Variants in SH3PXD2A observed in about 807,000 individuals in gnomAD.
The protein encoded by SH3PXD2A is SH3 and PX domain-containing protein 2A.
In SH3PXD2A, 32 loss-of-function variants were observed where a neutral mutation model predicts 115.2. The ratio of observed to expected loss-of-function variants is 0.28; its 90% CI spans 0.21 to 0.37. The LOEUF is 0.37. Among genes scored for constraint, SH3PXD2A ranks in the 10% least tolerant of loss-of-function variants. SH3PXD2A has a pLI of 1.00. For synonymous variants in SH3PXD2A, 610 were observed against 629.1 expected (o/e 0.97, Z 0.45); for missense variants, 1,328 against 1,498.7 (o/e 0.89, Z 1.88).
chr10:103,717,757 C>G (rs1195094657), intron 5 of SH3PXD2A, among the ~76,000 whole-genome samples: 1 of 152,210 alleles, frequency 6.6e-6, no homozygotes, highest in Non-Finnish European at 1.5e-5. Flanking sequence ...GTGGTGAGTC[C>G]TGCCGGGCCA....
At chr10:103,769,860 C>T (rs1192571167) in intron 2 of SH3PXD2A, among the ~76,000 whole-genome samples, 1 of 152,082 alleles carries the variant, frequency 6.6e-6, no homozygotes, top group Non-Finnish European at 1.5e-5. Flanking sequence ...TAATGCTCAG[C>T]AAAGGATTTT....
chr10:103,617,122 C>T, intron 11 of SH3PXD2A, 75 bp downstream of exon 11: 1 of 994,630 alleles, frequency 1.0e-6, no homozygotes, highest in Non-Finnish European at 1.6e-6. Flanking sequence ...CATCAGGTGG[C>T]CATGGCCACT....
intron 8 of SH3PXD2A, among the ~76,000 whole-genome samples, chr10:103,645,560 A>G (rs2037023395): frequency 6.6e-6 from 1 of 152,090 alleles, no homozygotes. Context: ...GGCCATTTCC[A>G]TCTGGGCCTC....
At chr10:103,852,460 C>T (rs1842905494) in intron 1 of SH3PXD2A, among the ~76,000 whole-genome samples, 1 of 152,244 alleles carries the variant, frequency 6.6e-6, no homozygotes, top group South Asian at 2.1e-4. Context: ...ACGCACATCC[C>T]GTAAAACCTC....
chr10:103,668,757 C>T (rs1047649988), intron 6 of SH3PXD2A, 105 bp from the exon 7 acceptor site: 58 of 1,009,724 alleles, frequency 5.7e-5, no homozygotes, highest in African/African-American at 5.1e-4. Flanking sequence ...GCGCCGCGCT[C>T]GGCCAGCCGC....
At position 103,599,223 on chromosome 10, in the gene SH3PXD2A, A is replaced by G. The variant is rs2281584; in HGVS notation, c.*2593T>C. On this transcript the variant is annotated 3_prime_UTR_variant, in exon 15 of 15. Transcript: ENST00000369774. ...AGGTCTCTTTCAGTCCTGCATTTTA[A>G]TGACTCTATTACTTACAGCACTGGG... is the stretch of plus-strand genomic sequence containing the variant. 0.38 allele frequency: 54,383 copies of G among 143,530 alleles called. 10,390 individuals carry two copies. The highest frequency in any genetic ancestry group is 0.48 in the African/African-American group (18,921 of 39,088). The allele number at this position is 143,530 out of a possible 1,614,324, so 8.9% of individuals were successfully genotyped here.
intron 11 of SH3PXD2A, among the ~76,000 whole-genome samples, chr10:103,614,867 C>T (rs954060360): frequency 2.0e-5 from 3 of 151,540 alleles, no homozygotes; most frequent in East Asian, 2.0e-4. Flanking sequence ...CTGAGCTTTG[C>T]GAGAAAGCTC....
rs2037368662 is a variant in SH3PXD2A, at chr10:103,665,166, G to T, written c.472+3442C>A. 6.6e-6 allele frequency among the ~76,000 whole-genome samples: 1 copy of T among 152,194 alleles called. No homozygotes were observed. The highest frequency in any genetic ancestry group is 2.1e-4 in the South Asian group (1 of 4,828). On this transcript the variant is annotated intron_variant, in intron 7 of 14. Coordinates refer to ENST00000369774, the MANE Select transcript of SH3PXD2A (RefSeq NM_001394015.1). This position sits in a 1 kb window ranked among gnomAD's most constrained non-coding sequence, Gnocchi z 4.0. The stretch of plus-strand genomic sequence containing the variant: ...CTCTGATATGGGAATATGGGAAAAT[G>T]AGCCAAACTCGAAGGGAGAAAGGGG...
At chr10:103,762,381 G>A (rs111428718) in intron 3 of SH3PXD2A, among the ~76,000 whole-genome samples, 16 of 152,270 alleles carry the variant, frequency 1.1e-4, no homozygotes, top group African/African-American at 3.9e-4. Context: ...TGACAGAGGC[G>A]GATAAGGGCC....
At chr10:103,615,483 G>GGTGTGTGGGTGTGT (rs2036499017) in intron 11 of SH3PXD2A, among the ~76,000 whole-genome samples, 1 of 128,524 alleles carries the variant, frequency 7.8e-6, no homozygotes, top group Non-Finnish European at 1.6e-5. Context: ...AGAGTGCGAG[G>GGTGTGTGGGTGTGT]GTGTGTGTGT....
At chr10:103,701,383 T>TCATC (rs1445542856) in intron 5 of SH3PXD2A, among the ~76,000 whole-genome samples, 1 of 112,700 alleles carries the variant, frequency 8.9e-6, no homozygotes, top group Admixed American at 9.3e-5. Context: ...CATCCATCCA[T>TCATC]CATCCATCCA....
rs561718148 is a variant in SH3PXD2A, at chr10:103,726,287, C to T, written c.307-1926G>A. 5.9e-5 allele frequency among the ~76,000 whole-genome samples: 9 copies of T among 152,336 alleles called. No homozygotes were observed. The South Asian group carries it at 1.9e-3, about 32-fold the overall frequency. On this transcript the variant is annotated intron_variant, in intron 4 of 14. Coordinates refer to ENST00000369774, the MANE Select transcript of SH3PXD2A (RefSeq NM_001394015.1). The stretch of plus-strand genomic sequence containing the variant: ...CCACGACCAGCTTCAGATGCAAGGC[C>T]TAGATCCAGTGGCTCCTGGGCCAAG...
At chr10:103,786,060 AG>A (rs1233105595) in intron 2 of SH3PXD2A, among the ~76,000 whole-genome samples, 1 of 152,082 alleles carries the variant, frequency 6.6e-6, no homozygotes, top group Non-Finnish European at 1.5e-5. Context: ...GGAGAATCCA[AG>A]ACTCCTGAGC....
At chr10:103,694,280 G>A (rs2037798478) in intron 5 of SH3PXD2A, among the ~76,000 whole-genome samples, 1 of 38,606 alleles carries the variant, frequency 2.6e-5, no homozygotes, top group African/African-American at 9.8e-5. Context: ...AGGCGGGGTT[G>A]GGGGTTTGGG....
chr10:103,697,103 C>T (rs1443384301), intron 5 of SH3PXD2A, among the ~76,000 whole-genome samples: 3 of 152,094 alleles, frequency 2.0e-5, no homozygotes, highest in Admixed American at 6.5e-5. Flanking sequence ...GTTCTGGAGA[C>T]GGAGGCCTCC....
intron 5 of SH3PXD2A, among the ~76,000 whole-genome samples, chr10:103,714,810 G>T (rs2038086722): frequency 6.6e-6 from 1 of 152,242 alleles, no homozygotes; most frequent in South Asian, 2.1e-4. Context: ...TGGCCAGATG[G>T]GTGGTGGCAG....
intron 1 of SH3PXD2A, among the ~76,000 whole-genome samples, chr10:103,845,978 T>C (rs1842844695): frequency 6.6e-6 from 1 of 152,230 alleles, no homozygotes. Context: ...CATTCCTGAC[T>C]CCCTGAAGTT....
chr10:103,765,141 C>T (rs750158295), intron 3 of SH3PXD2A, among the ~76,000 whole-genome samples: 5 of 152,284 alleles, frequency 3.3e-5, no homozygotes, highest in Middle Eastern at 3.4e-3. Context: ...AATGCAACTT[C>T]TCTGTATTGG....
intron 8 of SH3PXD2A, among the ~76,000 whole-genome samples, chr10:103,646,038 A>G (rs2134010712): frequency 6.6e-6 from 1 of 152,284 alleles, no homozygotes; most frequent in East Asian, 1.9e-4. Flanking sequence ...TTATAAGAAA[A>G]AAGGTGTTTC....
Sources: gnomAD v4.1 joint callset for allele counts (sites outside exome capture counted in the v4.1 genomes callset) on GRCh38, gnomAD v4.1.1 for gene constraint, Gnocchi (gnomAD v3.1) non-coding constraint, MANE v1.5 for transcripts, NCBI Gene and HGNC (gene_info 2026-07-23, HGNC 2026-07-21) for gene names.